MEGF10: variants seen among roughly 807,000 people sequenced by gnomAD.
The protein encoded by MEGF10 is multiple epidermal growth factor-like domains protein 10.
A neutral mutation model predicts 147.5 loss-of-function variants in MEGF10; 86 were observed. That is an observed-to-expected ratio of 0.58 (90% CI 0.49 to 0.70). The LOEUF (loss-of-function observed/expected upper bound fraction) is 0.70, where lower values mean the gene tolerates loss of function less well. MEGF10 is among the 30% of genes least tolerant of loss of function. The pLI, the probability that MEGF10 is intolerant of heterozygous loss-of-function variation, is 0.00. For missense variants in MEGF10, 1,329 were observed against 1,487.3 expected (o/e 0.89, Z 1.75); for synonymous variants, 478 against 525.5 (o/e 0.91, Z 1.24).
At chr5:127,290,591 C>T (rs1179419893), upstream of MEGF10, among the ~76,000 whole-genome samples, 1 of 152,230 alleles carries the variant, frequency 6.6e-6, no homozygotes, top group Non-Finnish European at 1.5e-5. Flanking sequence ...GCGGTGGAAG[C>T]CGCTCAGGCA....
intron 13 of MEGF10, among the ~76,000 whole-genome samples, chr5:127,431,858 G>T (rs748229915): frequency 6.6e-6 from 1 of 152,056 alleles, no homozygotes; most frequent in Non-Finnish European, 1.5e-5. Context: ...CCCAGTATAG[G>T]TGTGGATATA....
intron 9 of MEGF10, among the ~76,000 whole-genome samples, chr5:127,415,090 T>C (rs1764708679): frequency 1.3e-5 from 2 of 152,006 alleles, no homozygotes; most frequent in South Asian, 4.1e-4. Context: ...AAAATGATGC[T>C]TTTACAAACT....
At chr5:127,349,032 A>G (rs962302473) in intron 4 of MEGF10, among the ~76,000 whole-genome samples, 9 of 152,166 alleles carry the variant, frequency 5.9e-5, no homozygotes, top group African/African-American at 1.9e-4. Flanking sequence ...AAAAATTTGT[A>G]TTAGTAAGAT....
At position 127,412,324 on chromosome 5, in the gene MEGF10, C is replaced by CT. The variant is rs747496895; in HGVS notation, c.1130+1724dup. Among the ~76,000 whole-genome samples the CT allele has an allele frequency of 5.3e-5, 8 of 152,076 alleles. 1 individual carries two copies. The highest frequency in any genetic ancestry group is 8.8e-5 in the Non-Finnish European group (6 of 67,988). On this transcript the variant is annotated intron_variant, in intron 9 of 24. Transcript: ENST00000503335. ...CAAGTTTAATGTTGATTATATGACT[C>CT]TATCTTGTTGAATTAATCATTGGAG...
At chr5:127,337,644 T>C (rs1231329451) in intron 2 of MEGF10, among the ~76,000 whole-genome samples, 4 of 152,068 alleles carry the variant, frequency 2.6e-5, no homozygotes, top group African/African-American at 7.2e-5. Flanking sequence ...TCTGAACTTA[T>C]TTTTGCAGGT....
chr5:127,457,555 C>A lies in MEGF10; in HGVS notation c.*237C>A. ...ATTGCTGTTAGTTTTAGAACTATAC[C>A]CGTGAAGCATGACTTATTGTAAGAT... On this transcript the variant is annotated 3_prime_UTR_variant, in exon 25 of 25. Coordinates refer to ENST00000503335, the MANE Select transcript of MEGF10 (RefSeq NM_001256545.2). The A allele has an allele frequency of 4.3e-6, 2 of 464,640 alleles. No homozygotes were observed. Among genetic ancestry groups the A allele is most frequent in the East Asian group, 3.5e-5 (1 of 28,814 alleles). The allele number at this position is 464,640 out of a possible 1,614,324, so 28.8% of individuals were successfully genotyped here.
At chr5:127,291,511 C>T (rs925773033) in intron 1 of MEGF10, among the ~76,000 whole-genome samples, 6 of 152,112 alleles carry the variant, frequency 3.9e-5, no homozygotes, top group African/African-American at 1.4e-4. Context: ...TTTCTCCCGT[C>T]CTTGGTATTC....
chr5:127,457,370 G>T lies in MEGF10; in HGVS notation c.*52G>T, dbSNP rs182533165. The T allele has an allele frequency of 1.9e-3, 2,973 of 1,551,414 alleles. 22 individuals carry two copies. Among genetic ancestry groups the T allele is most frequent in the South Asian group, 3.2e-3 (266 of 82,494 alleles). On this transcript the variant is annotated 3_prime_UTR_variant, in exon 25 of 25. Coordinates refer to ENST00000503335, the MANE Select transcript of MEGF10 (RefSeq NM_001256545.2). ...GGAACCCTTTCCAGAACTGCTGTTT[G>T]GTTCTTCTCCATCCTCAATTTTGCC...
chr5:127,289,685 C>G (rs1427753724), upstream of MEGF10, among the ~76,000 whole-genome samples: 1 of 152,180 alleles, frequency 6.6e-6, no homozygotes, highest in Non-Finnish European at 1.5e-5. Flanking sequence ...TTCATTCATT[C>G]CATTCATTTA....
chr5:127,420,809 A>G (rs962934217), intron 12 of MEGF10, among the ~76,000 whole-genome samples: 1 of 152,198 alleles, frequency 6.6e-6, no homozygotes, highest in Admixed American at 6.5e-5. Context: ...GCAAACGGGA[A>G]GTGCATTCTG....
intron 13 of MEGF10, among the ~76,000 whole-genome samples, chr5:127,423,856 G>A (rs1765116326): frequency 6.6e-6 from 1 of 151,674 alleles, no homozygotes; most frequent in Admixed American, 6.6e-5. Flanking sequence ...GATGACTTTT[G>A]CAGCAGAAAA....
chr5:127,239,983 A>G, the MEGF10 span, among the ~76,000 whole-genome samples: 1 of 152,142 alleles, frequency 6.6e-6, no homozygotes, highest in South Asian at 2.1e-4. Flanking sequence ...CCTGAAGCCA[A>G]GGTGATGTTT....
chr5:127,443,058 C>G lies in MEGF10; in HGVS notation c.2423C>G (p.Ser808Cys), dbSNP rs781489711. ...CAGATATGTGATTGTCTGAACAACTCCACCTGCGACCACATCACTGGGACC... is the reference window on the plus strand; with the variant it reads ...CAGATATGTGATTGTCTGAACAACTGCACCTGCGACCACATCACTGGGACC... Reference protein sequence around the residue: ...CRQICDCLNNSTCDHITGTCY... With the variant: ...CRQICDCLNNCTCDHITGTCY... The change falls in exon 19 of 25, where the codon TCC becomes TGC. Residue 808 changes from serine to cysteine, a missense_variant. Transcript: ENST00000503335. 4 of 1,613,816 alleles carry G rather than the reference C, an allele frequency of 2.5e-6. No individual in the cohort carries two copies. The highest frequency in any genetic ancestry group is 3.4e-6 in the Non-Finnish European group (4 of 1,179,776).
At chr5:127,342,397 A>G (rs972699073) in intron 4 of MEGF10, among the ~76,000 whole-genome samples, 1 of 152,188 alleles carries the variant, frequency 6.6e-6, no homozygotes, top group African/African-American at 2.4e-5. Flanking sequence ...CCCAGGGGTC[A>G]TAGAATTTGT....
At chr5:127,265,885 A>G in the MEGF10 span, among the ~76,000 whole-genome samples, 1 of 152,070 alleles carries the variant, frequency 6.6e-6, no homozygotes, top group African/African-American at 2.4e-5. Context: ...GTTCACTCTG[A>G]TGGTAGTTTC....
chr5:127,287,531 G>T (rs1759066623), upstream of MEGF10, among the ~76,000 whole-genome samples: 1 of 151,858 alleles, frequency 6.6e-6, no homozygotes, highest in African/African-American at 2.4e-5. Flanking sequence ...TTTTTAAATT[G>T]TGTGTAATAC....
chr5:127,298,124 T>A (rs1291899242), intron 1 of MEGF10, among the ~76,000 whole-genome samples: 1 of 152,186 alleles, frequency 6.6e-6, no homozygotes, highest in Admixed American at 6.5e-5. Context: ...CACTTAGAAC[T>A]AAATGTTAAA....
chr5:127,395,765 T>C (rs185313421), intron 5 of MEGF10, among the ~76,000 whole-genome samples: 3 of 152,152 alleles, frequency 2.0e-5, no homozygotes, highest in East Asian at 3.9e-4. Context: ...AGGATGGTCT[T>C]GATTTCCTGA....
At chr5:127,368,518 C>T (rs1381694461) in intron 4 of MEGF10, among the ~76,000 whole-genome samples, 1 of 152,108 alleles carries the variant, frequency 6.6e-6, no homozygotes, top group Admixed American at 6.6e-5. Flanking sequence ...CAATAAAGCC[C>T]CAACACCTTA....
Sources: gnomAD v4.1 joint callset for allele counts (sites outside exome capture counted in the v4.1 genomes callset) on GRCh38, gnomAD v4.1.1 for gene constraint, MANE v1.5 for transcripts, NCBI Gene and HGNC (gene_info 2026-07-23, HGNC 2026-07-21) for gene names.